The following DPP10 variants were observed in gnomAD, a reference collection of about 807,000 sequenced individuals.
DPP10 encodes the protein inactive dipeptidyl peptidase 10.
A neutral mutation model predicts 120.9 loss-of-function variants in DPP10; 33 were observed. That is an observed-to-expected ratio of 0.27 (90% confidence interval 0.21 to 0.37). DPP10 has a LOEUF of 0.37. DPP10 is among the 10% of genes least tolerant of loss of function. The pLI is 1.00. For missense variants in DPP10, 816 were observed against 942.8 expected (o/e 0.87, Z 1.76); for synonymous variants, 337 against 326.1 (o/e 1.03, Z -0.36).
At chr2:115,513,071 C>A (rs2077316988) in intron 4 of DPP10, among the ~76,000 whole-genome samples, 1 of 151,812 alleles carries the variant, frequency 6.6e-6, no homozygotes, top group Admixed American at 6.6e-5. Context: ...TTATTATGTG[C>A]ATACATATTT....
chr2:114,783,436 C>A (rs568595519), intron 1 of DPP10, among the ~76,000 whole-genome samples: 3 of 150,166 alleles, frequency 2.0e-5, no homozygotes, highest in Non-Finnish European at 4.4e-5. Flanking sequence ...AAGAAGAGTG[C>A]GTTAAAACAA....
In DPP10 at chr2:115,084,238, C is replaced by T. The variant is rs140118566; in HGVS notation, c.61-225001C>T. ...TATATCCCCATCATTTAGCACAGTACGTGACAATTAAAATCAGTCAGTGAT... is the reference window on the plus strand; with the variant it reads ...TATATCCCCATCATTTAGCACAGTATGTGACAATTAAAATCAGTCAGTGAT... On this transcript the variant is annotated intron_variant, in intron 1 of 25. Coordinates refer to ENST00000410059, the MANE Select transcript of DPP10 (RefSeq NM_020868.6). Among the ~76,000 whole-genome samples the T allele has an allele frequency of 7.9e-5, 12 of 152,230 alleles. No individual in the cohort carries two copies. The East Asian group carries it at 1.9e-3, about 24-fold the overall frequency.
At chr2:114,663,668 T>TATATATATATAGAGAGAGAG in intron 1 of DPP10, among the ~76,000 whole-genome samples, 27 of 80,694 alleles carry the variant, frequency 3.3e-4, no homozygotes, top group African/African-American at 1.4e-3. Flanking sequence ...TATATATATA[T>TATATATATATAGAGAGAGAG]AGAGAGAGAG....
chr2:114,970,483 G>A (rs1699320562), intron 1 of DPP10, among the ~76,000 whole-genome samples: 1 of 152,058 alleles, frequency 6.6e-6, no homozygotes, highest in Non-Finnish European at 1.5e-5. Flanking sequence ...TAGGTTGTTT[G>A]CCACATTGAG....
chr2:115,292,624 T>C (rs2060705787), intron 1 of DPP10, among the ~76,000 whole-genome samples: 1 of 152,158 alleles, frequency 6.6e-6, no homozygotes, highest in Non-Finnish European at 1.5e-5. Flanking sequence ...ATGCTGCTGT[T>C]TCCTCCAATG....
intron 1 of DPP10, among the ~76,000 whole-genome samples, chr2:115,082,184 T>G (rs1032496432): frequency 5.3e-5 from 8 of 152,194 alleles, no homozygotes; most frequent in Admixed American, 5.2e-4. Context: ...ACAGGCATTT[T>G]AACAGTAAGA....
chr2:114,584,099 A>G (rs933836987), intron 1 of DPP10, among the ~76,000 whole-genome samples: 2 of 152,214 alleles, frequency 1.3e-5, no homozygotes, highest in Non-Finnish European at 2.9e-5. Flanking sequence ...TTCATTTCGA[A>G]AAGCATGAAA....
At chr2:115,678,532 A>G (rs1306450993) in intron 5 of DPP10, among the ~76,000 whole-genome samples, 2 of 152,192 alleles carry the variant, frequency 1.3e-5, no homozygotes, top group Non-Finnish European at 2.9e-5. Flanking sequence ...GTATGGGAAC[A>G]CCTGGATGTC....
chr2:115,333,171 T>C (rs1333842186), intron 2 of DPP10, among the ~76,000 whole-genome samples: 1 of 152,162 alleles, frequency 6.6e-6, no homozygotes, highest in African/African-American at 2.4e-5. Context: ...CCTTTACCAT[T>C]ACGTAATGGC....
At chr2:115,697,761 G>A (rs576610860) in intron 7 of DPP10, among the ~76,000 whole-genome samples, 7 of 152,056 alleles carry the variant, frequency 4.6e-5, no homozygotes, top group East Asian at 1.9e-4. Context: ...TGAGGCGGGC[G>A]GATCACGAGG....
chr2:115,115,934 CA>C (rs1243027077), intron 1 of DPP10, among the ~76,000 whole-genome samples: 1 of 152,032 alleles, frequency 6.6e-6, no homozygotes, highest in Admixed American at 6.6e-5. Flanking sequence ...CCAAAAAAAG[CA>C]GAAGGAAAGT....
At chr2:115,383,807 C>T (rs1454241800) in intron 3 of DPP10, among the ~76,000 whole-genome samples, 2 of 152,108 alleles carry the variant, frequency 1.3e-5, no homozygotes, top group African/African-American at 4.8e-5. Context: ...ATTACTCTTT[C>T]TTTCTTGTTC....
intron 5 of DPP10, among the ~76,000 whole-genome samples, chr2:115,536,704 A>G (rs1363598647): frequency 6.6e-6 from 1 of 152,026 alleles, no homozygotes; most frequent in Non-Finnish European, 1.5e-5. Flanking sequence ...ACAAACATAA[A>G]CAACAAAATT....
At chr2:115,085,076 CT>C (rs1475994142) in intron 1 of DPP10, among the ~76,000 whole-genome samples, 1 of 152,150 alleles carries the variant, frequency 6.6e-6, no homozygotes, top group Non-Finnish European at 1.5e-5. Flanking sequence ...CAAGTGCCCC[CT>C]GGCTTATCTC....
At chr2:114,812,695 G>A (rs1021968700) in intron 1 of DPP10, among the ~76,000 whole-genome samples, 26 of 150,940 alleles carry the variant, frequency 1.7e-4, no homozygotes, top group African/African-American at 5.1e-4. Flanking sequence ...CTCCTACTCC[G>A]ACTTTCACCT....
chr2:115,293,620 G>C (rs2060755198), intron 1 of DPP10, among the ~76,000 whole-genome samples: 1 of 152,066 alleles, frequency 6.6e-6, no homozygotes, highest in Admixed American at 6.6e-5. Context: ...TATGTTAACT[G>C]TTCAGAAACT....
chr2:114,699,953 G>A (rs1318174017), intron 1 of DPP10, among the ~76,000 whole-genome samples: 1 of 152,088 alleles, frequency 6.6e-6, no homozygotes, highest in East Asian at 1.9e-4. Flanking sequence ...AAAGACATAG[G>A]AACTTTACTG....
intron 1 of DPP10, among the ~76,000 whole-genome samples, chr2:114,713,138 C>G (rs182950626): frequency 6.6e-6 from 1 of 152,008 alleles, no homozygotes; most frequent in African/African-American, 2.4e-5. Flanking sequence ...CGGTGTCCAC[C>G]ACCACGCCTG....
intron 1 of DPP10, among the ~76,000 whole-genome samples, chr2:114,966,957 G>A (rs528860303): frequency 2.6e-5 from 4 of 152,078 alleles, no homozygotes; most frequent in Admixed American, 1.3e-4. Context: ...CAGGAGAATC[G>A]CTTGAACTCG....
Sources: allele counts gnomAD v4.1 joint callset (sites outside exome capture counted in the v4.1 genomes callset), GRCh38; gene constraint gnomAD v4.1.1; transcripts MANE v1.5; gene names NCBI Gene and HGNC (gene_info 2026-07-23, HGNC 2026-07-21).